RALGPS2: variants seen among roughly 807,000 people sequenced by gnomAD.
RALGPS2 encodes the protein Ral GEF with PH domain and SH3 binding motif 2.
A neutral mutation model predicts 86.8 loss-of-function variants in RALGPS2; 43 were observed. That is an observed-to-expected ratio of 0.50 (90% CI 0.39 to 0.64). RALGPS2 has a LOEUF of 0.64. Among genes scored for constraint, RALGPS2 ranks in the 30% least tolerant of loss-of-function variants. The probability of loss-of-function intolerance (pLI) is 0.00; values close to 1 mark genes in which losing one functional copy is unlikely to be tolerated. For synonymous variants in RALGPS2, 243 were observed against 231.3 expected (o/e 1.05, Z -0.46); for missense variants, 536 against 694.6 (o/e 0.77, Z 2.57).
chr1:178,803,930 G>A (rs533318527), intron 4 of RALGPS2, among the ~76,000 whole-genome samples: 31 of 152,208 alleles, frequency 2.0e-4, no homozygotes, highest in Admixed American at 6.5e-4. Flanking sequence ...ATGAAGTCCT[G>A]TCTGCCTCCA....
chr1:178,761,441 A>G (rs1293443450), intron 1 of RALGPS2, among the ~76,000 whole-genome samples: 1 of 152,004 alleles, frequency 6.6e-6, no homozygotes, highest in Non-Finnish European at 1.5e-5. Context: ...AAAAAAAAAA[A>G]AATTCTTTTT....
chr1:178,904,136 C>T (rs1265097329), intron 18 of RALGPS2, among the ~76,000 whole-genome samples: 1 of 151,844 alleles, frequency 6.6e-6, no homozygotes, highest in East Asian at 1.9e-4. Flanking sequence ...TGTTTGTTGG[C>T]CATTTGTGTA....
At chr1:178,828,253 C>T (rs144819847) in intron 7 of RALGPS2, among the ~76,000 whole-genome samples, 18 of 152,308 alleles carry the variant, frequency 1.2e-4, no homozygotes, top group African/African-American at 4.3e-4. Context: ...AATGAGGATA[C>T]TTTCGGAGAA....
intron 7 of RALGPS2, among the ~76,000 whole-genome samples, chr1:178,825,347 A>T (rs1655698776): frequency 6.6e-6 from 1 of 152,184 alleles, no homozygotes. Context: ...AAGGAGGAAG[A>T]TGATGAACAG....
At chr1:178,738,949 A>C (rs970616798) in intron 1 of RALGPS2, among the ~76,000 whole-genome samples, 4 of 152,190 alleles carry the variant, frequency 2.6e-5, no homozygotes, top group Admixed American at 2.6e-4. Flanking sequence ...TTTGTCTAGA[A>C]CATTTTTTTG....
intron 8 of RALGPS2, among the ~76,000 whole-genome samples, chr1:178,857,308 C>G (rs1391585033): frequency 6.6e-6 from 1 of 152,096 alleles, no homozygotes. Flanking sequence ...CTATGTGATT[C>G]CTAGTAGGCA....
intron 7 of RALGPS2, among the ~76,000 whole-genome samples, chr1:178,830,115 A>G (rs1023271601): frequency 1.3e-5 from 2 of 152,180 alleles, no homozygotes; most frequent in African/African-American, 4.8e-5. Context: ...GAGATGATGG[A>G]TATGTTAATT....
chr1:178,793,619 C>T (rs987711726), intron 4 of RALGPS2, among the ~76,000 whole-genome samples: 6 of 151,970 alleles, frequency 3.9e-5, no homozygotes, highest in East Asian at 1.9e-4. Flanking sequence ...CATCCCATTT[C>T]GAGAATATAA....
chr1:178,757,686 G>A (rs537834486), intron 1 of RALGPS2, among the ~76,000 whole-genome samples: 45 of 152,172 alleles, frequency 3.0e-4, no homozygotes, highest in African/African-American at 1.0e-3. Context: ...TGCTGGATTC[G>A]GCTTGCTAGT....
chr1:178,818,815 T>C (rs915183311), intron 6 of RALGPS2, among the ~76,000 whole-genome samples: 2 of 152,190 alleles, frequency 1.3e-5, no homozygotes, highest in African/African-American at 4.8e-5. Context: ...CTTTGGAATT[T>C]AGTTATTTGT....
intron 18 of RALGPS2, 130 bp from the exon 19 acceptor site, chr1:178,906,646 T>G (rs1389112247): frequency 1.5e-6 from 1 of 648,442 alleles, no homozygotes. Context: ...TACAATAAAA[T>G]GGAGGTGTTG....
At chr1:178,897,944 C>T (rs1660018270) in intron 17 of RALGPS2, among the ~76,000 whole-genome samples, 188 bp downstream of exon 17, 1 of 151,972 alleles carries the variant, frequency 6.6e-6, no homozygotes, top group Admixed American at 6.6e-5. Flanking sequence ...CAAAACTGCA[C>T]ATTACGCTTA....
chr1:178,881,138 C>T (rs1290000632), intron 10 of RALGPS2, among the ~76,000 whole-genome samples: 1 of 152,066 alleles, frequency 6.6e-6, no homozygotes, highest in African/African-American at 2.4e-5. Context: ...ATCCACAAAA[C>T]AGATGATTAT....
chr1:178,797,889 G>A (rs1355969990), intron 4 of RALGPS2, among the ~76,000 whole-genome samples: 2 of 143,744 alleles, frequency 1.4e-5, no homozygotes, highest in African/African-American at 5.2e-5. Context: ...CCACAAATCT[G>A]TTCTTCATCT....
chr1:178,889,756 A>G (rs116413802), intron 14 of RALGPS2, 60 bp downstream of exon 14: 26,329 of 1,220,702 alleles, frequency 0.022, 404 homozygotes, highest in Non-Finnish European at 0.026. Flanking sequence ...TAAATAATAT[A>G]ATACAAATTT....
rs188281805 is a variant in RALGPS2, at chr1:178,852,616, T to C, written c.607+19066T>C. 2.0e-6 allele frequency: 3 copies of C among 1,503,038 alleles called. No individual in the cohort carries two copies. The African/African-American group carries it at 4.2e-5, about 21-fold the overall frequency. The allele number at this position is 1,503,038 out of a possible 1,614,324, so 93.1% of individuals were successfully genotyped here. On this transcript the variant is annotated intron_variant, in intron 8 of 19. Transcript: ENST00000367635. Reference sequence around the variant, plus strand: ...TGAAAAGACTTTAGTAGCATATATATTAGTAGATTCTATTTAATGCATAGA... The same window carrying C: ...TGAAAAGACTTTAGTAGCATATATACTAGTAGATTCTATTTAATGCATAGA...
chr1:178,894,513 G>T (rs1055876166), intron 16 of RALGPS2, among the ~76,000 whole-genome samples: 3 of 152,014 alleles, frequency 2.0e-5, no homozygotes, highest in Non-Finnish European at 4.4e-5. Context: ...GGACACAAGG[G>T]TAGCACATAT....
chr1:178,903,287 A>G (rs1177972481), intron 18 of RALGPS2, among the ~76,000 whole-genome samples: 1 of 152,200 alleles, frequency 6.6e-6, no homozygotes, highest in Non-Finnish European at 1.5e-5. Flanking sequence ...GCAGGAAAAA[A>G]TAATACCAAA....
chr1:178,763,751 C>T (rs1423450094), intron 1 of RALGPS2, among the ~76,000 whole-genome samples: 1 of 152,106 alleles, frequency 6.6e-6, no homozygotes, highest in Non-Finnish European at 1.5e-5. Context: ...ATTATTTACC[C>T]AGAAATCATT....
Sources: allele counts gnomAD v4.1 joint callset (sites outside exome capture counted in the v4.1 genomes callset), GRCh38; gene constraint gnomAD v4.1.1; transcripts MANE v1.5; gene names NCBI Gene and HGNC (gene_info 2026-07-23, HGNC 2026-07-21).